The following PPAT variants were observed in gnomAD, a reference collection of about 807,000 sequenced individuals.
The protein encoded by PPAT is amidophosphoribosyltransferase.
In PPAT, 20 loss-of-function variants were observed where a neutral mutation model predicts 60.2. The ratio of observed to expected loss-of-function variants is 0.33; its 90% confidence interval spans 0.23 to 0.48. The LOEUF (loss-of-function observed/expected upper bound fraction) is 0.48, where lower values mean the gene tolerates loss of function less well. Among genes scored for constraint, PPAT ranks in the 20% least tolerant of loss-of-function variants. PPAT has a pLI of 0.99. For missense variants in PPAT, 349 were observed against 629.6 expected (o/e 0.55, Z 4.77); for synonymous variants, 194 against 215.1 (o/e 0.90, Z 0.86).
At chr4:56,414,841 T>C (rs985189549) in intron 1 of PPAT, among the ~76,000 whole-genome samples, 4 of 152,210 alleles carry the variant, frequency 2.6e-5, no homozygotes, top group Non-Finnish European at 5.9e-5. Flanking sequence ...CAGATTTTTA[T>C]TTTCCCTGTT....
At chr4:56,434,843 T>C (rs1456395895) in intron 1 of PPAT, among the ~76,000 whole-genome samples, 1 of 152,244 alleles carries the variant, frequency 6.6e-6, no homozygotes, top group South Asian at 2.1e-4. Flanking sequence ...CGATAACTAC[T>C]TTCAAACCCA....
chr4:56,395,626 C>T, intron 10 of PPAT, 78 bp from the exon 11 acceptor site: 1 of 943,368 alleles, frequency 1.1e-6, no homozygotes, highest in Non-Finnish European at 1.4e-6. Flanking sequence ...AGAATAGTTA[C>T]AAACAGAATA....
chr4:56,415,895 C>A (rs938749523), intron 1 of PPAT, among the ~76,000 whole-genome samples: 15 of 152,046 alleles, frequency 9.9e-5, no homozygotes, highest in African/African-American at 3.4e-4. Flanking sequence ...CATGGTGAAA[C>A]CTCGTGTCTA....
intron 1 of PPAT, among the ~76,000 whole-genome samples, chr4:56,427,584 A>C (rs1560650121): frequency 6.6e-6 from 1 of 151,482 alleles, no homozygotes; most frequent in Non-Finnish European, 1.5e-5. Context: ...AGGCAGGAGG[A>C]TCGCTTGAGC....
intron 8 of PPAT, 48 bp from the exon 9 acceptor site, chr4:56,399,448 G>T: frequency 7.4e-7 from 1 of 1,360,060 alleles, no homozygotes; most frequent in Non-Finnish European, 1.0e-6. Context: ...ATACAGAATA[G>T]GCAAATATTT....
At chr4:56,420,392 C>T (rs1262593295) in intron 1 of PPAT, 1 of 152,124 alleles carries the variant, frequency 6.6e-6, no homozygotes, top group Non-Finnish European at 1.5e-5. Flanking sequence ...AATTTTGTAG[C>T]ATTTCAGATT....
intron 10 of PPAT, among the ~76,000 whole-genome samples, 189 bp from the exon 11 acceptor site, chr4:56,395,737 T>G (rs1238122640): frequency 6.6e-6 from 1 of 151,682 alleles, no homozygotes; most frequent in Non-Finnish European, 1.5e-5. Context: ...AAAATTTTAA[T>G]TGGAATCTAG....
chr4:56,432,396 C>T (rs58151706), intron 1 of PPAT, among the ~76,000 whole-genome samples: 26,706 of 151,470 alleles, frequency 0.18, 2,664 homozygotes, highest in Admixed American at 0.32. Context: ...AGTGTGGTGG[C>T]GGGCGCCTGT....
Position 56,400,833 on chromosome 4 carries a change from C to T in PPAT, c.965G>A (p.Ser322Asn). 1 of 1,613,948 alleles carries T rather than the reference C, an allele frequency of 6.2e-7. No individual in the cohort carries two copies. Among genetic ancestry groups the T allele is most frequent in the Non-Finnish European group, 8.5e-7 (1 of 1,179,852 alleles). Residue 322 changes from serine to asparagine, a missense_variant, in exon 8 of 11, where the codon AGC (serine) becomes AAC (asparagine). Ser to Asn is a conservative substitution (Grantham distance 46). This residue lies in a region of PPAT where 167 missense variants were observed against 328.6 expected (regional missense o/e 0.51). Coordinates refer to ENST00000264220, the MANE Select transcript of PPAT (RefSeq NM_002703.5). Reference sequence around the variant, plus strand: ...AGGCGTAGCAGATTCTGGAACAGTGCTAACCAAATCTGCATCCACAGGTGC... The same window carrying T: ...AGGCGTAGCAGATTCTGGAACAGTGTTAACCAAATCTGCATCCACAGGTGC... ...IEAPVDADLV[S>N]TVPESATPAA...
intron 5 of PPAT, among the ~76,000 whole-genome samples, 155 bp downstream of exon 5, chr4:56,402,885 G>A (rs905231079): frequency 8.4e-5 from 12 of 142,116 alleles, no homozygotes; most frequent in African/African-American, 2.4e-4. Context: ...TCAAAGAAAC[G>A]TACTTTAAAA....
chr4:56,415,223 A>G (rs1158262201), intron 1 of PPAT, among the ~76,000 whole-genome samples: 3 of 152,218 alleles, frequency 2.0e-5, no homozygotes, highest in Non-Finnish European at 4.4e-5. Flanking sequence ...AGAAGTGGAA[A>G]AACATTTGGC....
chr4:56,435,584 G>A lies in PPAT; in HGVS notation c.-107C>T, dbSNP rs3822001. On this transcript the variant is annotated 5_prime_UTR_variant, in exon 1 of 11. Coordinates refer to ENST00000264220, the MANE Select transcript of PPAT (RefSeq NM_002703.5). Reference sequence around the variant, plus strand: ...GCTCAGAAGCTCGCGCTCGCGACAGGCTCTTCCTTCCCGAGGGTGGCCCCA... The same window carrying A: ...GCTCAGAAGCTCGCGCTCGCGACAGACTCTTCCTTCCCGAGGGTGGCCCCA... The A allele has an allele frequency of 0.12, 194,704 of 1,572,322 alleles. 13,488 individuals are homozygous for A. Among genetic ancestry groups the A allele is most frequent in the Admixed American group, 0.28 (16,074 of 58,078 alleles).
intron 1 of PPAT, among the ~76,000 whole-genome samples, chr4:56,411,119 T>C (rs1466341223): frequency 6.6e-6 from 1 of 152,126 alleles, no homozygotes; most frequent in East Asian, 1.9e-4. Context: ...TAAAAAAATC[T>C]GTAAAATACA....
At chr4:56,406,164 C>T (rs556636126) in intron 3 of PPAT, among the ~76,000 whole-genome samples, 3 of 152,252 alleles carry the variant, frequency 2.0e-5, no homozygotes, top group East Asian at 3.9e-4. Context: ...AAGCTTTGAA[C>T]ATAGCAACAG....
chr4:56,414,384 A>T (rs1196187137), intron 1 of PPAT: 2 of 152,190 alleles, frequency 1.3e-5, no homozygotes, highest in Admixed American at 1.3e-4. Flanking sequence ...ACCCAAATAC[A>T]CTTTTGACCA....
intron 1 of PPAT, chr4:56,408,391 A>AC (rs1241325473): frequency 6.9e-6 from 1 of 145,298 alleles, no homozygotes; most frequent in East Asian, 2.1e-4. Flanking sequence ...CCAAGATCGC[A>AC]CCACTGCACT....
chr4:56,408,522 A>C (rs1305361363), intron 1 of PPAT, among the ~76,000 whole-genome samples: 1 of 150,402 alleles, frequency 6.6e-6, no homozygotes, highest in East Asian at 2.0e-4. Flanking sequence ...TCCTAGGTGG[A>C]GGCGGGTGGA....
chr4:56,417,842 GTTTT>G (rs35004501), intron 1 of PPAT, among the ~76,000 whole-genome samples: 1 of 136,166 alleles, frequency 7.3e-6, no homozygotes. Flanking sequence ...TTGGTTTTTT[GTTTT>G]TTTTTTTTTT....
chr4:56,413,471 A>G (rs1300870708), intron 1 of PPAT, among the ~76,000 whole-genome samples: 4 of 152,180 alleles, frequency 2.6e-5, no homozygotes, highest in Non-Finnish European at 4.4e-5. Context: ...TTGAAACATT[A>G]TTTCTAAAAC....
Sources: allele counts gnomAD v4.1 joint callset (sites outside exome capture counted in the v4.1 genomes callset), GRCh38; gene constraint gnomAD v4.1.1; regional missense constraint gnomAD v4.1.1; transcripts MANE v1.5; gene names NCBI Gene and HGNC (gene_info 2026-07-23, HGNC 2026-07-21).